Variants in CELF2 observed in about 807,000 individuals in gnomAD.
The protein encoded by CELF2 is CUG triplet repeat RNA-binding protein 2.
CELF2 carries 8 observed loss-of-function variants against 62.6 expected under a neutral mutation model. The observed-to-expected ratio is 0.13, with a 90% confidence interval of 0.07 to 0.23. The LOEUF is 0.23. Among genes scored for constraint, CELF2 ranks in the 10% least tolerant of loss-of-function variants. CELF2 has a pLI of 1.00. For missense variants in CELF2, 333 were observed against 671.0 expected, an observed-to-expected ratio of 0.50 and a Z score of 5.56; for synonymous variants, 258 against 250.0, an observed-to-expected ratio of 1.03 and a Z score of -0.30.
At chr10:11,147,807 T>C (rs1312617907) in intron 1 of CELF2, among the ~76,000 whole-genome samples, 1 of 152,234 alleles carries the variant, frequency 6.6e-6, no homozygotes, top group Non-Finnish European at 1.5e-5. Context: ...CATATTACTG[T>C]ATCACTTGCA....
At chr10:10,530,995 T>A in the CELF2 span, among the ~76,000 whole-genome samples, 1 of 152,234 alleles carries the variant, frequency 6.6e-6, no homozygotes, top group Non-Finnish European at 1.5e-5. Context: ...GGTCAAGTGG[T>A]AGTTTTCTGC....
chr10:10,979,451 G>A (rs1051580491), intron 2 of CELF2, among the ~76,000 whole-genome samples: 4 of 152,106 alleles, frequency 2.6e-5, no homozygotes, highest in African/African-American at 9.7e-5. Context: ...CCGGTGGATG[G>A]CTGGAGTCCA....
In CELF2 at chr10:10,868,368, G is replaced by T. The variant is rs991391731; in HGVS notation, c.54-51596G>T. Among the ~76,000 whole-genome samples the T allele has an allele frequency of 3.3e-5, 5 of 152,288 alleles. No homozygotes were observed. In the East Asian group the frequency reaches 9.6e-4, roughly 29 times the overall value. ...CTTGTGACTCGAATACCTACATAAG[G>T]CCCCTCCATGTGATTTGGGTTTATT... On this transcript the variant is annotated intron_variant, in intron 1 of 13. Coordinates refer to the CELF2 transcript ENST00000636488.
intron 1 of CELF2, among the ~76,000 whole-genome samples, chr10:11,155,637 GA>G (rs1259944780): frequency 7.2e-5 from 11 of 152,254 alleles, no homozygotes; most frequent in African/African-American, 2.6e-4. Flanking sequence ...TTGGGAAAAA[GA>G]AAAATACACT....
Position 11,309,945 on chromosome 10 carries a change from G to A in CELF2, c.977-4194G>A, listed in dbSNP as rs538002132. 4.6e-5 allele frequency among the ~76,000 whole-genome samples: 7 copies of A among 152,284 alleles called. No individual in the cohort carries two copies. The South Asian group carries it at 1.2e-3, about 27-fold the overall frequency. ...TCTCCCTGCTCTGGAGGTGGTGCAG[G>A]GGCAGTGGCCTGCTTTTCTGTGAAT... On this transcript the variant is annotated intron_variant, in intron 9 of 12. Transcript: ENST00000633077. The surrounding 1 kb of genome is among the most constrained non-coding windows in gnomAD (Gnocchi z 5.6).
At chr10:10,920,617 A>G (rs2064804548) in intron 2 of CELF2, among the ~76,000 whole-genome samples, 1 of 152,200 alleles carries the variant, frequency 6.6e-6, no homozygotes, top group Non-Finnish European at 1.5e-5. Context: ...TAAATAAGAC[A>G]TGATTAACAG....
intron 1 of CELF2, among the ~76,000 whole-genome samples, chr10:11,102,640 T>C (rs2052034644): frequency 6.6e-6 from 1 of 152,232 alleles, no homozygotes; most frequent in African/African-American, 2.4e-5. Flanking sequence ...TTGGAACTCT[T>C]GACTTTTACA....
the CELF2 span, among the ~76,000 whole-genome samples, chr10:10,595,822 G>T: frequency 6.6e-6 from 1 of 152,298 alleles, no homozygotes; most frequent in African/African-American, 2.4e-5. Context: ...CTTGAGCCCA[G>T]GGGGTGGAGG....
At chr10:10,651,345 A>C in the CELF2 span, among the ~76,000 whole-genome samples, 1 of 149,052 alleles carries the variant, frequency 6.7e-6, no homozygotes, top group Non-Finnish European at 1.5e-5. Flanking sequence ...GCAGCGGGGA[A>C]GCTCGAACTG....
intron 1 of CELF2, among the ~76,000 whole-genome samples, chr10:10,802,383 T>C (rs1284697981): frequency 1.3e-5 from 2 of 152,074 alleles, no homozygotes; most frequent in Non-Finnish European, 2.9e-5. Context: ...GGCAGGAGAA[T>C]TGCTTGAACC....
the CELF2 span, among the ~76,000 whole-genome samples, chr10:10,718,492 C>G: frequency 1.3e-5 from 2 of 151,926 alleles, no homozygotes; most frequent in African/African-American, 4.8e-5. Flanking sequence ...GGCATGGTGG[C>G]GGGCACCTGT....
the CELF2 span, among the ~76,000 whole-genome samples, chr10:10,604,237 A>G: frequency 2.0e-5 from 3 of 152,202 alleles, no homozygotes; most frequent in Non-Finnish European, 2.9e-5. Flanking sequence ...TTTACAAACA[A>G]TAACTCATTC....
the CELF2 span, among the ~76,000 whole-genome samples, chr10:10,792,783 G>A: frequency 6.6e-6 from 1 of 152,182 alleles, no homozygotes; most frequent in Non-Finnish European, 1.5e-5. Context: ...TGGCAGTATA[G>A]GAGTTAAAGC....
At chr10:10,739,691 G>A in the CELF2 span, among the ~76,000 whole-genome samples, 1 of 152,082 alleles carries the variant, frequency 6.6e-6, no homozygotes, top group African/African-American at 2.4e-5. Context: ...AAAGCATTTA[G>A]CTCTTATGTC....
rs80276149 is a variant in CELF2, at chr10:10,922,401, G to A, written c.89+2402G>A. Among the ~76,000 whole-genome samples, 490 of 152,268 alleles carry A rather than the reference G, an allele frequency of 3.2e-3. 5 individuals carry two copies. Among genetic ancestry groups the A allele is most frequent in the African/African-American group, 0.011 (473 of 41,548 alleles). ...GAAGTCAATCCTGAAATAATGGAAC[G>A]AGGAATGACTTCCAAACTTTTGTAG... is the stretch of plus-strand genomic sequence containing the variant. On this transcript the variant is annotated intron_variant, in intron 2 of 13. Transcript: ENST00000636488.
chr10:10,980,343 T>C (rs2051923258), intron 2 of CELF2, among the ~76,000 whole-genome samples: 2 of 151,472 alleles, frequency 1.3e-5, no homozygotes, highest in South Asian at 2.1e-4. Context: ...ACTTTTCTCT[T>C]CCCCCCCCAA....
the CELF2 span, among the ~76,000 whole-genome samples, chr10:10,686,219 A>G: frequency 6.8e-6 from 1 of 146,800 alleles, no homozygotes; most frequent in Admixed American, 7.1e-5. Flanking sequence ...GTTTGAAGTT[A>G]TTACCTTGGA....
chr10:10,861,281 C>T (rs561509256), intron 1 of CELF2, among the ~76,000 whole-genome samples: 1 of 152,034 alleles, frequency 6.6e-6, no homozygotes, highest in Admixed American at 6.6e-5. Flanking sequence ...ACTGTATTGC[C>T]CAGGCTTGTC....
At chr10:11,063,103 A>C (rs564102721) in intron 1 of CELF2, among the ~76,000 whole-genome samples, 6 of 152,214 alleles carry the variant, frequency 3.9e-5, no homozygotes, top group Non-Finnish European at 8.8e-5. Context: ...GCTATGGCAC[A>C]CTTAATAGGT....
Sources: gnomAD v4.1 joint callset for allele counts (sites outside exome capture counted in the v4.1 genomes callset) on GRCh38, gnomAD v4.1.1 for gene constraint, Gnocchi (gnomAD v3.1) non-coding constraint, MANE v1.5 for transcripts, NCBI Gene and HGNC (gene_info 2026-07-23, HGNC 2026-07-21) for gene names.